CCR3: variants seen among roughly 807,000 people sequenced by gnomAD.
CCR3 encodes the protein C-C chemokine receptor type 3.
For missense variants in CCR3, 419 were observed against 437.5 expected (o/e 0.96, Z 0.38); for synonymous variants, 203 against 179.2 (o/e 1.13, Z -1.06).
At chr3:46,258,029 C>G (rs1365179689) in intron 1 of CCR3, among the ~76,000 whole-genome samples, 1 of 152,210 alleles carries the variant, frequency 6.6e-6, no homozygotes, top group African/African-American at 2.4e-5. Flanking sequence ...TAATTGTTCT[C>G]TTCAGGCCCC....
chr3:46,222,584 T>C (rs747526464), intron 2 of CCR3, among the ~76,000 whole-genome samples: 5 of 152,134 alleles, frequency 3.3e-5, no homozygotes, highest in African/African-American at 4.8e-5. Context: ...TCAGACATCA[T>C]GCATGGCCAG....
upstream of CCR3, among the ~76,000 whole-genome samples, chr3:46,239,466 A>G (rs1396356860): frequency 1.3e-5 from 2 of 152,204 alleles, no homozygotes; most frequent in Non-Finnish European, 2.9e-5. Flanking sequence ...TCCACTGTAG[A>G]TGGTGAAATT....
upstream of CCR3, among the ~76,000 whole-genome samples, chr3:46,238,497 G>T (rs1700045009): frequency 6.6e-6 from 1 of 152,192 alleles, no homozygotes; most frequent in South Asian, 2.1e-4. Context: ...GTGAGAAAAA[G>T]AGATGTTTTA....
upstream of CCR3, among the ~76,000 whole-genome samples, chr3:46,239,533 C>A (rs1234398380): frequency 1.3e-5 from 2 of 152,126 alleles, no homozygotes; most frequent in African/African-American, 4.8e-5. Context: ...GCGAGGTGAA[C>A]CCGGTCTGTG....
intron 1 of CCR3, among the ~76,000 whole-genome samples, chr3:46,244,923 C>A (rs2125928150): frequency 6.6e-6 from 1 of 152,270 alleles, no homozygotes; most frequent in Admixed American, 6.5e-5. Flanking sequence ...AAATTCTGGT[C>A]ATGGTGACTA....
At chr3:46,211,220 A>G (rs1403573092) in intron 2 of CCR3, among the ~76,000 whole-genome samples, 2 of 142,086 alleles carry the variant, frequency 1.4e-5, no homozygotes, top group African/African-American at 5.3e-5. Context: ...TTTTTTTTAG[A>G]CAAGGTCTTG....
chr3:46,252,293 A>G (rs9839630), intron 1 of CCR3, among the ~76,000 whole-genome samples: 64,502 of 149,522 alleles, frequency 0.43, 14,890 homozygotes, highest in East Asian at 0.64. Context: ...CTCCTGCCTC[A>G]GCCTCCCGAG....
chr3:46,256,977 C>T (rs1700439493), intron 1 of CCR3, among the ~76,000 whole-genome samples: 1 of 151,858 alleles, frequency 6.6e-6, no homozygotes, highest in Admixed American at 6.6e-5. Flanking sequence ...ACAATGCTTA[C>T]ACACAAAGTT....
At position 46,266,488 on chromosome 3, in the gene CCR3, C is replaced by A; in HGVS notation, c.*262C>A. 2.7e-6 allele frequency: 1 copy of A among 376,638 alleles called. No homozygotes were observed. Among genetic ancestry groups the A allele is most frequent in the Non-Finnish European group, 4.9e-6 (1 of 202,682 alleles). The allele number at this position is 376,638 out of a possible 1,614,324, so 23.3% of individuals were successfully genotyped here. On this transcript the variant is annotated 3_prime_UTR_variant, in exon 2 of 2. Transcript: ENST00000395940. ...TTCTCTCTCTAAAATGAGTTACCTA[C>A]ATTTTAATGCACCTGAATGTTAGAT...
intron 2 of CCR3, among the ~76,000 whole-genome samples, chr3:46,213,776 C>T (rs1367948627): frequency 6.6e-6 from 1 of 152,216 alleles, no homozygotes; most frequent in African/African-American, 2.4e-5. Flanking sequence ...GCCTCTAGCA[C>T]CTCAACTCCA....
At position 46,265,731 on chromosome 3, in the gene CCR3, A is replaced by C. The variant is rs768783361; in HGVS notation, c.573A>C (p.Thr191=). 1 of 1,613,912 alleles carries C rather than the reference A, an allele frequency of 6.2e-7. No individual in the cohort carries two copies. The highest frequency in any genetic ancestry group is 1.1e-5 in the South Asian group (1 of 91,076). Residue 191 remains threonine (T), a synonymous_variant, in exon 2 of 2, where the codon ACA becomes ACC. Transcript: ENST00000395940. ...GCAGTGCTCTTTACCCAGAGGATAC[A>C]GTATATAGCTGGAGGCATTTCCACA... The part of the protein sequence containing the change: ...TLCSALYPED[T]VYSWRHFHTL...
At chr3:46,214,212 T>C (rs934695315) in intron 2 of CCR3, among the ~76,000 whole-genome samples, 2 of 152,224 alleles carry the variant, frequency 1.3e-5, no homozygotes, top group African/African-American at 2.4e-5. Context: ...TCTTGTTTCC[T>C]ATTTCGCTGA....
intron 2 of CCR3, among the ~76,000 whole-genome samples, chr3:46,221,127 T>C (rs893016962): frequency 1.3e-5 from 2 of 152,230 alleles, no homozygotes; most frequent in East Asian, 3.8e-4. Flanking sequence ...GTTCACAACT[T>C]GAACTTGGCC....
At chr3:46,264,272 G>A in intron 1 of CCR3, 1 of 751,900 alleles carries the variant, frequency 1.3e-6, no homozygotes, top group Non-Finnish European at 2.2e-6. Flanking sequence ...AGCATCACCA[G>A]GGGCAAGAAA....
intron 1 of CCR3, among the ~76,000 whole-genome samples, chr3:46,246,135 C>T (rs1332752123): frequency 6.6e-6 from 1 of 152,146 alleles, no homozygotes; most frequent in Non-Finnish European, 1.5e-5. Context: ...GATGTGTAGT[C>T]TGGACAGTGC....
At chr3:46,217,850 T>G (rs1315355145) in intron 2 of CCR3, among the ~76,000 whole-genome samples, 1 of 151,708 alleles carries the variant, frequency 6.6e-6, no homozygotes, top group African/African-American at 2.4e-5. Flanking sequence ...ATTAAACCCC[T>G]ACATCAAAAA....
rs1225850871 is a variant in CCR3, at chr3:46,266,352, A to C, written c.*126A>C. The C allele has an allele frequency of 7.8e-6, 5 of 640,060 alleles. No homozygotes were observed. The highest frequency in any genetic ancestry group is 1.4e-5 in the Non-Finnish European group (5 of 357,946). The allele number at this position is 640,060 out of a possible 1,614,324, so 39.6% of individuals were successfully genotyped here. On this transcript the variant is annotated 3_prime_UTR_variant, in exon 2 of 2. Coordinates refer to ENST00000395940, the MANE Select transcript of CCR3 (RefSeq NM_178329.3). ...GTGCAACACTGAAGCTCTTGAAGAC[A>C]CTGAAATATACACACAGCAGTAGCA...
At chr3:46,233,864 C>T (rs998455858) in intron 2 of CCR3, among the ~76,000 whole-genome samples, 10 of 152,360 alleles carry the variant, frequency 6.6e-5, no homozygotes, top group Admixed American at 3.9e-4. Context: ...GTGGCTAGCC[C>T]AAGCTCTGGG....
intron 2 of CCR3, among the ~76,000 whole-genome samples, chr3:46,229,963 G>C (rs71327044): frequency 0.16 from 24,144 of 152,046 alleles, 2,915 homozygotes; most frequent in African/African-American, 0.33. Flanking sequence ...ATGAGTGGAC[G>C]CTGGACTCAG....
Sources: gnomAD v4.1 joint callset for allele counts (sites outside exome capture counted in the v4.1 genomes callset) on GRCh38, gnomAD v4.1.1 for gene constraint, MANE v1.5 for transcripts, NCBI Gene and HGNC (gene_info 2026-07-23, HGNC 2026-07-21) for gene names.